The following KCNH8 variants were observed in gnomAD, a reference collection of about 807,000 sequenced individuals.
KCNH8 encodes voltage-gated delayed rectifier potassium channel KCNH8.
KCNH8 carries 70 observed loss-of-function variants against 103.6 expected under a neutral mutation model. That is an observed-to-expected ratio of 0.68 (90% CI 0.56 to 0.82). KCNH8 has a LOEUF of 0.82. Among genes scored for constraint, KCNH8 ranks in the 40% least tolerant of loss-of-function variants. KCNH8 has a pLI of 0.00. For missense variants in KCNH8, 1,217 were observed against 1,329.9 expected, an observed-to-expected ratio of 0.92 and a Z score of 1.32; for synonymous variants, 498 against 489.4, an observed-to-expected ratio of 1.02 and a Z score of -0.23.
chr3:19,533,510 G>A lies in KCNH8; in HGVS notation c.2735G>A (p.Ser912Asn). Residue 912 changes from serine (S) to asparagine (N), a missense_variant, in exon 16 of 16, where the codon AGC (serine) becomes AAC (asparagine). Transcript: ENST00000328405. ...CCATCACGGTTTTGCTCTTTGCACA[G>A]CACCTCTGTGTGTCCCTCCAGGGAG... ...QQPSRFCSLHSTSVCPSRESL... is the reference protein window; with the variant it reads ...QQPSRFCSLHNTSVCPSRESL... 6.2e-7 allele frequency: 1 copy of A among 1,614,178 alleles called. No homozygotes were observed. The highest frequency in any genetic ancestry group is 8.5e-7 in the Non-Finnish European group (1 of 1,180,016).
At chr3:19,264,567 C>A (rs2064481935) in intron 2 of KCNH8, among the ~76,000 whole-genome samples, 1 of 152,088 alleles carries the variant, frequency 6.6e-6, no homozygotes, top group Non-Finnish European at 1.5e-5. Flanking sequence ...GCAGTGCATT[C>A]ATCAGAAACT....
intron 8 of KCNH8, among the ~76,000 whole-genome samples, chr3:19,449,358 G>A (rs1008731080): frequency 6.7e-6 from 1 of 150,154 alleles, no homozygotes; most frequent in Admixed American, 6.7e-5. Flanking sequence ...AGGACTCTAA[G>A]CAGAATACCT....
At chr3:19,467,449 GA>G (rs1011857854) in intron 11 of KCNH8, among the ~76,000 whole-genome samples, 2 of 152,142 alleles carry the variant, frequency 1.3e-5, no homozygotes, top group African/African-American at 4.8e-5. Flanking sequence ...ATTATCTGGT[GA>G]AATCTTTGAC....
At chr3:19,278,155 G>C (rs1017696415) in intron 2 of KCNH8, among the ~76,000 whole-genome samples, 1 of 152,052 alleles carries the variant, frequency 6.6e-6, no homozygotes, top group South Asian at 2.1e-4. Context: ...AGGGTGGAGG[G>C]CTTGCTGGAA....
At chr3:19,157,914 G>C (rs564503700) in intron 1 of KCNH8, among the ~76,000 whole-genome samples, 8 of 151,400 alleles carry the variant, frequency 5.3e-5, no homozygotes, top group African/African-American at 9.7e-5. Flanking sequence ...TTGGTCTTTT[G>C]ATTTTTATAT....
chr3:19,422,116 T>G (rs759083401), intron 7 of KCNH8, among the ~76,000 whole-genome samples: 1 of 152,110 alleles, frequency 6.6e-6, no homozygotes, highest in African/African-American at 2.4e-5. Context: ...ATATCCTCCT[T>G]CAGATATTAG....
rs546982771 is a variant in KCNH8 at position 19,378,932 on chromosome 3, T to G, written c.812-11549T>G. 1.4e-4 allele frequency among the ~76,000 whole-genome samples: 21 copies of G among 152,314 alleles called. No homozygotes were observed. In the East Asian group the frequency reaches 4.0e-3, roughly 29 times the overall value. On this transcript the variant is annotated intron_variant, in intron 5 of 15. Coordinates refer to ENST00000328405, the MANE Select transcript of KCNH8 (RefSeq NM_144633.3). ...TGTTTTAAATGTATTTCAAGTCTCA[T>G]GCATCACAGACACCAAGACAGTTGT... is the stretch of plus-strand genomic sequence containing the variant.
At chr3:19,272,315 T>A (rs868668830) in intron 2 of KCNH8, among the ~76,000 whole-genome samples, 7 of 152,134 alleles carry the variant, frequency 4.6e-5, no homozygotes, top group Admixed American at 6.5e-5. Context: ...TAGATGATAT[T>A]CTGCCAAAAA....
At chr3:19,188,695 T>A (rs2063524820) in intron 1 of KCNH8, among the ~76,000 whole-genome samples, 1 of 152,118 alleles carries the variant, frequency 6.6e-6, no homozygotes, top group Non-Finnish European at 1.5e-5. Context: ...AATTACATTA[T>A]TATGAATGTT....
chr3:19,454,699 C>T (rs539838235), intron 10 of KCNH8, among the ~76,000 whole-genome samples: 5 of 151,942 alleles, frequency 3.3e-5, no homozygotes, highest in South Asian at 2.1e-4. Context: ...AAACTACTTA[C>T]GGCTGAAAGA....
At chr3:19,295,807 A>T (rs2064990442) in intron 3 of KCNH8, among the ~76,000 whole-genome samples, 1 of 152,134 alleles carries the variant, frequency 6.6e-6, no homozygotes, top group Admixed American at 6.5e-5. Flanking sequence ...CCAGTGGGGA[A>T]AAAAACAGAC....
At chr3:19,152,573 A>G (rs906003581) in intron 1 of KCNH8, among the ~76,000 whole-genome samples, 9 of 152,218 alleles carry the variant, frequency 5.9e-5, no homozygotes, top group African/African-American at 2.2e-4. Context: ...GGTTGTTTAG[A>G]AACTCATTAA....
intron 11 of KCNH8, among the ~76,000 whole-genome samples, chr3:19,478,688 CCA>C (rs1290824269): frequency 6.6e-6 from 1 of 152,106 alleles, no homozygotes; most frequent in Non-Finnish European, 1.5e-5. Flanking sequence ...CGAAACAACT[CCA>C]GTTATTGCCA....
intron 7 of KCNH8, among the ~76,000 whole-genome samples, chr3:19,397,875 T>C (rs2066547128): frequency 2.0e-5 from 3 of 151,832 alleles, no homozygotes; most frequent in Admixed American, 2.0e-4. Context: ...CCAGCTGAGA[T>C]TTGAACACAG....
rs181751141 is a variant in KCNH8 at position 19,351,790 on chromosome 3, T to C, written c.811+3825T>C. On this transcript the variant is annotated intron_variant, in intron 5 of 15. Coordinates refer to ENST00000328405, the MANE Select transcript of KCNH8 (RefSeq NM_144633.3). The stretch of plus-strand genomic sequence containing the variant: ...CCAGCCACTGCAAAAATATGCCAGA[T>C]TGTAAAGACCATCGAGGCTGGGAAG... 6.6e-5 allele frequency among the ~76,000 whole-genome samples: 10 copies of C among 152,132 alleles called. No individual in the cohort carries two copies. The East Asian group carries it at 1.2e-3, about 18-fold the overall frequency.
intron 1 of KCNH8, among the ~76,000 whole-genome samples, chr3:19,236,883 T>C (rs1347636023): frequency 6.6e-6 from 1 of 152,238 alleles, no homozygotes; most frequent in Non-Finnish European, 1.5e-5. Flanking sequence ...TTTAATGCCA[T>C]TGTCAAAAAC....
At chr3:19,153,302 A>G (rs2063148202) in intron 1 of KCNH8, among the ~76,000 whole-genome samples, 1 of 152,224 alleles carries the variant, frequency 6.6e-6, no homozygotes, top group African/African-American at 2.4e-5. Flanking sequence ...CTAACATCAG[A>G]TAATTTTGAC....
chr3:19,220,899 T>C (rs1308512258), intron 1 of KCNH8, among the ~76,000 whole-genome samples: 2 of 152,182 alleles, frequency 1.3e-5, no homozygotes, highest in African/African-American at 4.8e-5. Flanking sequence ...GACAAAGCTT[T>C]ATCAAGAACC....
At chr3:19,206,557 T>G (rs965552670) in intron 1 of KCNH8, among the ~76,000 whole-genome samples, 1 of 151,982 alleles carries the variant, frequency 6.6e-6, no homozygotes, top group Non-Finnish European at 1.5e-5. Flanking sequence ...GATAAGGTTT[T>G]TCAACCTTAG....
Sources: allele counts gnomAD v4.1 joint callset (sites outside exome capture counted in the v4.1 genomes callset), GRCh38; gene constraint gnomAD v4.1.1; transcripts MANE v1.5; gene names NCBI Gene and HGNC (gene_info 2026-07-23, HGNC 2026-07-21).